CIT: variants seen among roughly 807,000 people sequenced by gnomAD.
CIT encodes citron rho-interacting serine/threonine kinase.
A neutral mutation model predicts 272.7 loss-of-function variants in CIT; 79 were observed. The ratio of observed to expected loss-of-function variants is 0.29; its 90% CI spans 0.24 to 0.35. CIT has a LOEUF of 0.35. Ranked by LOEUF, CIT falls within the 10% of genes least tolerant of loss-of-function variation. CIT has a pLI of 1.00. For synonymous variants in CIT, 948 were observed against 995.6 expected, an observed-to-expected ratio of 0.95 and a Z score of 0.90; for missense variants, 1,909 against 2,618.3, an observed-to-expected ratio of 0.73 and a Z score of 5.91.
intron 7 of CIT, among the ~76,000 whole-genome samples, chr12:119,825,830 G>A (rs752286162): frequency 6.6e-6 from 1 of 152,248 alleles, no homozygotes; most frequent in African/African-American, 2.4e-5. Flanking sequence ...CACTTTGGGA[G>A]GCCAAGGTGG....
chr12:119,726,385 A>ATTTTTTTTTTTTTTTTTTTTTTTTTT (rs3999547), intron 28 of CIT, among the ~76,000 whole-genome samples: 1 of 101,418 alleles, frequency 9.9e-6, no homozygotes. Context: ...CACTTGGCTA[A>ATTTTTTTTTTTTTTTTTTTTTTTTTT]TTTTTTTTTT....
Position 119,690,120 on chromosome 12 carries a change from C to T in CIT, c.6186+31G>A. The T allele has an allele frequency of 6.9e-7, 1 of 1,443,554 alleles. No individual in the cohort carries two copies. The highest frequency in any genetic ancestry group is 9.0e-7 in the Non-Finnish European group (1 of 1,106,820). The allele number at this position is 1,443,554 out of a possible 1,614,324, so 89.4% of individuals were successfully genotyped here. On this transcript the variant is annotated intron_variant, in intron 47 of 47. Coordinates refer to ENST00000392521, the MANE Select transcript of CIT (RefSeq NM_001206999.2). The surrounding 1 kb of genome is among the most constrained non-coding windows in gnomAD (Gnocchi z 6.0). The stretch of plus-strand genomic sequence containing the variant: ...CCCAAGTCACTCCTGGCCTCCGCAA[C>T]AGACACACAGGCCTCGGAATGCTGC...
At chr12:119,714,521 C>T (rs1245842098) in intron 32 of CIT, among the ~76,000 whole-genome samples, 187 bp from the exon 33 acceptor site, 1 of 152,078 alleles carries the variant, frequency 6.6e-6, no homozygotes, top group Non-Finnish European at 1.5e-5. Flanking sequence ...TTAAAATGGG[C>T]CAAGAATTTA....
At chr12:119,861,638 T>C (rs1593987938) in intron 3 of CIT, among the ~76,000 whole-genome samples, 2 of 152,224 alleles carry the variant, frequency 1.3e-5, no homozygotes, top group South Asian at 4.1e-4. Context: ...GAGAATAACT[T>C]TGTCAGATAA....
intron 9 of CIT, among the ~76,000 whole-genome samples, chr12:119,809,580 C>T (rs541946757): frequency 1.2e-4 from 19 of 152,288 alleles, no homozygotes; most frequent in Admixed American, 1.1e-3. Flanking sequence ...TCTCTCTGAC[C>T]TCCTCCAGCC....
Position 119,863,201 on chromosome 12 carries a change from CAAAAAAA to C in CIT, c.239-5510_239-5504del, listed in dbSNP as rs751421292. ...TGGGCAACAGAGCGAGACTCTGTAT[CAAAAAAA>C]AAAAAAAAAAAAAAAAAGAGGCTGA... On this transcript the variant is annotated intron_variant, in intron 3 of 47. Coordinates refer to ENST00000392521, the MANE Select transcript of CIT (RefSeq NM_001206999.2). Among the ~76,000 whole-genome samples, 12 of 40,524 alleles carry C rather than the reference CAAAAAAA, an allele frequency of 3.0e-4. No homozygotes were observed. In the East Asian group the frequency reaches 3.2e-3, roughly 11 times the overall value. The allele number at this position is 40,524 out of a possible 152,430, so 26.6% of individuals were successfully genotyped here.
intron 47 of CIT, among the ~76,000 whole-genome samples, 180 bp downstream of exon 47, chr12:119,689,969 ACG>A (rs1565888091): frequency 5.3e-5 from 8 of 152,006 alleles, no homozygotes; most frequent in Non-Finnish European, 1.0e-4. Context: ...GTGAGCCACC[ACG>A]CCCGGCCAGG....
At chr12:119,762,974 A>T (rs941449746) in intron 19 of CIT, among the ~76,000 whole-genome samples, 1 of 152,204 alleles carries the variant, frequency 6.6e-6, no homozygotes, top group Non-Finnish European at 1.5e-5. Context: ...TGAGCCCAGG[A>T]GTTCGAAGCC....
chr12:119,820,324 G>A (rs1005365467), intron 9 of CIT, among the ~76,000 whole-genome samples: 8 of 152,132 alleles, frequency 5.3e-5, no homozygotes, highest in African/African-American at 1.9e-4. Flanking sequence ...GCTAAGGTAG[G>A]CAGATCACCT....
intron 23 of CIT, among the ~76,000 whole-genome samples, chr12:119,750,803 A>G (rs988388226): frequency 1.2e-4 from 19 of 152,266 alleles, no homozygotes; most frequent in African/African-American, 3.4e-4. Flanking sequence ...ATAGAGATAT[A>G]GAGATGTACA....
chr12:119,849,727 C>G (rs1970075097), intron 5 of CIT, among the ~76,000 whole-genome samples: 1 of 150,248 alleles, frequency 6.7e-6, no homozygotes, highest in African/African-American at 2.4e-5. Context: ...GCTCTGTCAC[C>G]CAGGCTGGAG....
chr12:119,709,555 A>T (rs999130600), intron 39 of CIT, among the ~76,000 whole-genome samples: 1 of 152,224 alleles, frequency 6.6e-6, no homozygotes, highest in Non-Finnish European at 1.5e-5. Context: ...CCCCGGATCC[A>T]GCCATGCCTG....
At position 119,770,620 on chromosome 12, in the gene CIT, T is replaced by C. The variant is rs1963010211; in HGVS notation, c.2208+165A>G. ...AGTGCTGAAATGTCCGTTATTTGGT[T>C]ATTCATACTACTCTACGATGTGGCA... On this transcript the variant is annotated intron_variant, in intron 18 of 47. Coordinates refer to ENST00000392521, the MANE Select transcript of CIT (RefSeq NM_001206999.2). The surrounding 1 kb of genome is among the most constrained non-coding windows in gnomAD (Gnocchi z 4.4). Among the ~76,000 whole-genome samples the C allele has an allele frequency of 2.0e-5, 3 of 152,136 alleles. No homozygotes were observed. Among genetic ancestry groups the C allele is most frequent in the Non-Finnish European group, 4.4e-5 (3 of 68,020 alleles).
In CIT at chr12:119,735,016, G is replaced by A. The variant is rs1958675809; in HGVS notation, c.3156+144C>T. 5.3e-6 allele frequency: 4 copies of A among 751,562 alleles called. No homozygotes were observed. In the Admixed American group the frequency reaches 8.1e-5, roughly 15 times the overall value. 46.6% of individuals were successfully genotyped at this position (751,562 alleles called of 1,614,324 possible). A position where few individuals can be genotyped will look rare whatever the true frequency, so the allele number is the denominator to read the frequency against. On this transcript the variant is annotated intron_variant, in intron 25 of 47. Coordinates refer to ENST00000392521, the MANE Select transcript of CIT (RefSeq NM_001206999.2). ...AAAATACATTTTTAAAACCCTAAAG[G>A]CTTGGAAAAAAGACATGATTTTAAA...
At chr12:119,814,236 G>A (rs1966931893) in intron 9 of CIT, among the ~76,000 whole-genome samples, 1 of 152,054 alleles carries the variant, frequency 6.6e-6, no homozygotes, top group Non-Finnish European at 1.5e-5. Flanking sequence ...ACTAGTGGGG[G>A]AAAATCCTAT....
chr12:119,782,513 C>T lies in CIT; in HGVS notation c.1665+5G>A. 1 of 1,613,630 alleles carries T rather than the reference C, an allele frequency of 6.2e-7. No homozygotes were observed. Among genetic ancestry groups the T allele is most frequent in the Non-Finnish European group, 8.5e-7 (1 of 1,179,840 alleles). On this transcript the variant is annotated splice_donor_5th_base_variant and intron_variant, in intron 13 of 47. Coordinates refer to ENST00000392521, the MANE Select transcript of CIT (RefSeq NM_001206999.2). ...GCTGCTGTGCTCCCAGGCAAGCAGGCCTACCTGCTCTTTGATTTCTTGGAG... is the reference window on the plus strand; with the variant it reads ...GCTGCTGTGCTCCCAGGCAAGCAGGTCTACCTGCTCTTTGATTTCTTGGAG...
At chr12:119,765,985 A>G (rs1377625375) in intron 19 of CIT, among the ~76,000 whole-genome samples, 1 of 152,198 alleles carries the variant, frequency 6.6e-6, no homozygotes, top group Non-Finnish European at 1.5e-5. Flanking sequence ...TTTGGAAATG[A>G]CCCAAGTGTC....
Position 119,728,392 on chromosome 12 carries a change from G to A in CIT, c.3591+110C>T, listed in dbSNP as rs576626535. The stretch of plus-strand genomic sequence containing the variant: ...GACAGGGAGTATGTGGGAACTCTCT[G>A]TGCTTTCTGCTCAATTTTGCTGTGA... On this transcript the variant is annotated intron_variant, in intron 28 of 47. Coordinates refer to ENST00000392521, the MANE Select transcript of CIT (RefSeq NM_001206999.2). This position sits in a 1 kb window ranked among gnomAD's most constrained non-coding sequence, Gnocchi z 4.3. 6 of 692,136 alleles carry A rather than the reference G, an allele frequency of 8.7e-6. No homozygotes were observed. The East Asian group carries it at 1.5e-4, about 17-fold the overall frequency. 42.9% of individuals were successfully genotyped at this position (692,136 alleles called of 1,614,324 possible). A position where few individuals can be genotyped will look rare whatever the true frequency, so the allele number is the denominator to read the frequency against.
intron 40 of CIT, among the ~76,000 whole-genome samples, chr12:119,707,647 G>A (rs746732342): frequency 1.2e-4 from 18 of 151,954 alleles, no homozygotes; most frequent in Non-Finnish European, 2.1e-4. Flanking sequence ...GATTACAGGC[G>A]CCCGCCACCG....
Sources: gnomAD v4.1 joint callset for allele counts (sites outside exome capture counted in the v4.1 genomes callset) on GRCh38, gnomAD v4.1.1 for gene constraint, Gnocchi (gnomAD v3.1) non-coding constraint, MANE v1.5 for transcripts, NCBI Gene and HGNC (gene_info 2026-07-23, HGNC 2026-07-21) for gene names.